Variants in UBAC1 observed in about 807,000 individuals in gnomAD.
The protein encoded by UBAC1 is ubiquitin-associated domain-containing protein 1.
A neutral mutation model predicts 45.9 loss-of-function variants in UBAC1; 27 were observed. That is an observed-to-expected ratio of 0.59 (90% CI 0.43 to 0.81). UBAC1 has a LOEUF of 0.81. UBAC1 is among the 30% of genes least tolerant of loss of function. The pLI, the probability that UBAC1 is intolerant of heterozygous loss-of-function variation, is 0.00. For synonymous variants in UBAC1, 227 were observed against 215.5 expected (o/e 1.05, Z -0.47); for missense variants, 529 against 539.2 (o/e 0.98, Z 0.19).
chr9:135,947,787 C>A lies in UBAC1; in HGVS notation c.441+11G>T. 4.3e-6 allele frequency: 7 copies of A among 1,611,076 alleles called. No individual in the cohort carries two copies. The highest frequency in any genetic ancestry group is 5.9e-6 in the Non-Finnish European group (7 of 1,178,662). On this transcript the variant is annotated intron_variant, in intron 4 of 9. Coordinates refer to ENST00000371756, the MANE Select transcript of UBAC1 (RefSeq NM_016172.3). ...CCCATGCACCCGCCGCCGCTCTGGGCTGACACTCACGTCTCTCATGTTGGT... is the reference window on the plus strand; with the variant it reads ...CCCATGCACCCGCCGCCGCTCTGGGATGACACTCACGTCTCTCATGTTGGT...
intron 4 of UBAC1, 120 bp downstream of exon 4, chr9:135,947,678 G>A (rs779577837): frequency 4.7e-5 from 36 of 761,490 alleles, no homozygotes; most frequent in East Asian, 2.5e-4. Context: ...CCCGCTCACC[G>A]GCTTCCCCAA....
At chr9:135,954,693 T>G (rs1304350449) in intron 2 of UBAC1, among the ~76,000 whole-genome samples, 1 of 152,226 alleles carries the variant, frequency 6.6e-6, no homozygotes, top group South Asian at 2.1e-4. Flanking sequence ...GTGGAGAGTT[T>G]AGTCTTAACC....
At position 135,933,185 on chromosome 9, in the gene UBAC1, T is replaced by C. The variant is rs1839164786; in HGVS notation, c.*215A>G. On this transcript the variant is annotated 3_prime_UTR_variant, in exon 10 of 10. Transcript: ENST00000371756. ...CTTCCCAGTGCGACAACCACTTTTT[T>C]GTAAACACCTGTCAGATGCTAAAAA... is the stretch of plus-strand genomic sequence containing the variant. 1.9e-6 allele frequency: 1 copy of C among 531,850 alleles called. No individual in the cohort carries two copies. The highest frequency in any genetic ancestry group is 3.4e-6 in the Non-Finnish European group (1 of 297,600). The allele number at this position is 531,850 out of a possible 1,614,324, so 32.9% of individuals were successfully genotyped here.
At chr9:135,957,496 A>C (rs1244761413) in intron 1 of UBAC1, among the ~76,000 whole-genome samples, 1 of 152,160 alleles carries the variant, frequency 6.6e-6, no homozygotes, top group African/African-American at 2.4e-5. Flanking sequence ...ACACGGAAGC[A>C]CTAGGACGAC....
At chr9:135,942,387 T>A (rs192314237) in intron 7 of UBAC1, 1 of 152,248 alleles carries the variant, frequency 6.6e-6, no homozygotes, top group South Asian at 2.1e-4. Context: ...CAATGGCTCA[T>A]GCCTGTAATT....
chr9:135,941,186 A>G (rs1456000496), intron 7 of UBAC1, among the ~76,000 whole-genome samples: 1 of 152,160 alleles, frequency 6.6e-6, no homozygotes, highest in Admixed American at 6.6e-5. Context: ...TGGGAGGATC[A>G]CTTGAGGTCA....
chr9:135,955,273 CG>C, intron 2 of UBAC1, 21 bp downstream of exon 2: 1 of 1,534,394 alleles, frequency 6.5e-7, no homozygotes, highest in Non-Finnish European at 8.7e-7. Context: ...GCTGCCAACC[CG>C]CCCGCCCACA....
chr9:135,955,295 C>G lies in UBAC1; in HGVS notation c.259G>C (p.Asp87His). 1.3e-6 allele frequency: 2 copies of G among 1,574,366 alleles called. No homozygotes were observed. Among genetic ancestry groups the G allele is most frequent in the Non-Finnish European group, 1.7e-6 (2 of 1,164,824 alleles). Residue 87 changes from aspartate (D) to histidine (H), a missense_variant and splice_region_variant, in exon 2 of 10, where the codon GAT (aspartate) becomes CAT (histidine). By Grantham distance (81) the Asp-to-His change is moderately conservative. Coordinates refer to ENST00000371756, the MANE Select transcript of UBAC1 (RefSeq NM_016172.3). Reference protein sequence around the residue: ...TILEENIQDQDVLLLIKKRAP... With the variant: ...TILEENIQDQHVLLLIKKRAP... ...ACCCGCCCGCCCACAGCAGCCTTAC[C>G]TTGGTCCTGGATGTTCTCTTCCAGG...
At chr9:135,946,091 C>A in intron 5 of UBAC1, 94 bp from the exon 6 acceptor site, 1 of 1,274,110 alleles carries the variant, frequency 7.8e-7, no homozygotes, top group South Asian at 1.2e-5. Context: ...TGTCTGAGCT[C>A]CACCTGCCCG....
intron 5 of UBAC1, 82 bp downstream of exon 5, chr9:135,946,187 G>C (rs1318002955): frequency 8.8e-7 from 1 of 1,133,596 alleles, no homozygotes; most frequent in African/African-American, 1.5e-5. Context: ...GTTCCGGTCA[G>C]TGGTCAGTGC....
chr9:135,952,766 A>G (rs1168553347), intron 3 of UBAC1, among the ~76,000 whole-genome samples: 1 of 152,218 alleles, frequency 6.6e-6, no homozygotes, highest in Non-Finnish European at 1.5e-5. Context: ...CAGATTTGGG[A>G]ATATTTGCAT....
chr9:135,952,219 G>A (rs559939310), intron 3 of UBAC1, among the ~76,000 whole-genome samples: 1 of 152,364 alleles, frequency 6.6e-6, no homozygotes, highest in Admixed American at 6.5e-5. Context: ...GCTCTTCCTG[G>A]GTACCCATGG....
At position 135,935,488 on chromosome 9, in the gene UBAC1, C is replaced by T. The variant is rs868414728; in HGVS notation, c.1103-1973G>A. On this transcript the variant is annotated intron_variant, in intron 9 of 9. Coordinates refer to ENST00000371756, the MANE Select transcript of UBAC1 (RefSeq NM_016172.3). ...AAACGAGACCCCATCTCAACAACAA[C>T]AAAAAAAATAGCTGGGCATGGTCGT... Among the ~76,000 whole-genome samples, 19 of 151,816 alleles carry T rather than the reference C, an allele frequency of 1.3e-4. 2 individuals carry two copies. Among genetic ancestry groups the T allele is most frequent in the Middle Eastern group, 3.4e-3 (1 of 292 alleles).
At chr9:135,938,045 A>G (rs530024475) in intron 9 of UBAC1, among the ~76,000 whole-genome samples, 177 bp downstream of exon 9, 126 of 152,128 alleles carry the variant, frequency 8.3e-4, no homozygotes, top group Non-Finnish European at 1.5e-3. Context: ...CGGGCCCCAC[A>G]GTGACGTAGC....
At chr9:135,954,940 A>C (rs1839448177) in intron 2 of UBAC1, among the ~76,000 whole-genome samples, 2 of 152,228 alleles carry the variant, frequency 1.3e-5, no homozygotes, top group African/African-American at 2.4e-5. Flanking sequence ...AATTACATGG[A>C]TGTGTGTGTC....
chr9:135,953,669 T>A lies in UBAC1; in HGVS notation c.333+11A>T. The stretch of plus-strand genomic sequence containing the variant: ...CAACCAAGGTCCCCAATTGCAAACT[T>A]TGAAATTTACCTTTTCTTCTGCTGA... On this transcript the variant is annotated intron_variant, in intron 3 of 9. Transcript: ENST00000371756. 6.2e-7 allele frequency: 1 copy of A among 1,610,196 alleles called. No individual in the cohort carries two copies. The highest frequency in any genetic ancestry group is 8.5e-7 in the Non-Finnish European group (1 of 1,177,436).
intron 3 of UBAC1, among the ~76,000 whole-genome samples, chr9:135,953,453 A>T (rs1167316090): frequency 6.6e-6 from 1 of 152,110 alleles, no homozygotes; most frequent in Non-Finnish European, 1.5e-5. Flanking sequence ...AGCTGCTGGG[A>T]CTACAGGCAT....
At chr9:135,939,162 C>T (rs553119397) in intron 8 of UBAC1, among the ~76,000 whole-genome samples, 1 of 150,938 alleles carries the variant, frequency 6.6e-6, no homozygotes, top group East Asian at 2.0e-4. Context: ...GATCACACCG[C>T]TGCACTCCAG....
At chr9:135,942,640 GAAAC>G (rs1839283192) in intron 7 of UBAC1, among the ~76,000 whole-genome samples, 1 of 134,004 alleles carries the variant, frequency 7.5e-6, no homozygotes, top group African/African-American at 2.8e-5. Context: ...GTGACAGAGT[GAAAC>G]TGTCTCAAAA....
Sources: allele counts gnomAD v4.1 joint callset (sites outside exome capture counted in the v4.1 genomes callset), GRCh38; gene constraint gnomAD v4.1.1; transcripts MANE v1.5; gene names NCBI Gene and HGNC (gene_info 2026-07-23, HGNC 2026-07-21).